The following PIGN variants were observed in gnomAD, a reference collection of about 807,000 sequenced individuals.
PIGN encodes GPI ethanolamine phosphate transferase 1.
In PIGN, 117 loss-of-function variants were observed where a neutral mutation model predicts 125.4. The ratio of observed to expected loss-of-function variants is 0.93; its 90% CI spans 0.80 to 1.09. The LOEUF is 1.09. Among genes scored for constraint, PIGN ranks in the 50% least tolerant of loss-of-function variants. The probability of loss-of-function intolerance (pLI) is 0.00; values close to 1 mark genes in which losing one functional copy is unlikely to be tolerated. For missense variants in PIGN, 1,075 were observed against 1,094.9 expected, an observed-to-expected ratio of 0.98 and a Z score of 0.26; for synonymous variants, 392 against 377.8, an observed-to-expected ratio of 1.04 and a Z score of -0.44.
intron 15 of PIGN, among the ~76,000 whole-genome samples, chr18:62,114,265 G>A (rs892472706): frequency 6.6e-6 from 1 of 152,054 alleles, no homozygotes; most frequent in African/African-American, 2.4e-5. Flanking sequence ...AGGAGGCTGA[G>A]GCAGGAGGAT....
At chr18:62,160,519 T>A (rs1016192090) in intron 4 of PIGN, among the ~76,000 whole-genome samples, 2 of 151,922 alleles carry the variant, frequency 1.3e-5, no homozygotes, top group Admixed American at 6.6e-5. Context: ...AGACTTTTTT[T>A]TTGTTTTTTT....
At chr18:62,137,106 A>G in intron 14 of PIGN, 1 of 398,676 alleles carries the variant, frequency 2.5e-6, no homozygotes. Flanking sequence ...ATCAGCTGCC[A>G]GCACAGCTAG....
chr18:62,157,631 A>C, intron 5 of PIGN, 56 bp downstream of exon 5: 1 of 1,478,762 alleles, frequency 6.8e-7, no homozygotes, highest in Non-Finnish European at 9.3e-7. Flanking sequence ...GTGGTAAAGG[A>C]CTAATATTTA....
intron 14 of PIGN, among the ~76,000 whole-genome samples, chr18:62,133,232 T>G (rs2035805447): frequency 6.6e-6 from 1 of 152,216 alleles, no homozygotes; most frequent in South Asian, 2.1e-4. Context: ...AAATCCATTT[T>G]GCACTTACAT....
chr18:62,088,002 G>C (rs887138147), intron 25 of PIGN, among the ~76,000 whole-genome samples: 1 of 152,142 alleles, frequency 6.6e-6, no homozygotes, highest in Admixed American at 6.5e-5. Context: ...TAAGAGAGCT[G>C]ATCTTAAGTG....
intron 28 of PIGN, 23 bp from the exon 29 acceptor site, chr18:62,074,844 AT>A: frequency 6.6e-7 from 1 of 1,526,448 alleles, no homozygotes; most frequent in Non-Finnish European, 9.1e-7. Flanking sequence ...AGAAGGAAAA[AT>A]TACATCTAAT....
At chr18:62,110,660 A>G (rs2034839513) in intron 16 of PIGN, among the ~76,000 whole-genome samples, 1 of 152,068 alleles carries the variant, frequency 6.6e-6, no homozygotes, top group Admixed American at 6.6e-5. Flanking sequence ...TGTTGAGTGC[A>G]GCTTCAGCTC....
chr18:62,152,269 G>C (rs1225256763), intron 7 of PIGN, among the ~76,000 whole-genome samples: 1 of 152,116 alleles, frequency 6.6e-6, no homozygotes, highest in Non-Finnish European at 1.5e-5. Flanking sequence ...AGGCTTCAGA[G>C]AGAATAGGTT....
chr18:62,163,986 T>C (rs2037044865), intron 1 of PIGN, among the ~76,000 whole-genome samples: 1 of 152,238 alleles, frequency 6.6e-6, no homozygotes, highest in Admixed American at 6.5e-5. Context: ...TCAAGTTTCA[T>C]CCATGTTGTA....
chr18:62,056,803 A>T (rs1227344783), intron 30 of PIGN: 1 of 152,278 alleles, frequency 6.6e-6, no homozygotes, highest in Non-Finnish European at 1.5e-5. Context: ...CTGTATTTGC[A>T]GCTGCTCTGC....
chr18:62,042,995 G>C lies in PIGN; in HGVS notation c.*2861C>G, dbSNP rs905277947. On this transcript the variant is annotated 3_prime_UTR_variant, in exon 31 of 31. Transcript: ENST00000640252. ...GCTACAAAGATATTGCCATAGTACT[G>C]AAAGCACACAGCATAACAATCATTA... is the stretch of plus-strand genomic sequence containing the variant. 6.6e-6 allele frequency: 1 copy of C among 151,512 alleles called. No homozygotes were observed. Among genetic ancestry groups the C allele is most frequent in the African/African-American group, 2.4e-5 (1 of 41,228 alleles). 9.4% of individuals were successfully genotyped at this position (151,512 alleles called of 1,614,324 possible).
At position 62,072,729 on chromosome 18, in the gene PIGN, T is replaced by TAA. The variant is rs11437076; in HGVS notation, c.2620-6_2620-5dup. 234,949 of 1,401,684 alleles carry TAA rather than the reference T, an allele frequency of 0.17. 3,438 individuals are homozygous for TAA. Among genetic ancestry groups the TAA allele is most frequent in the Admixed American group, 0.19 (7,696 of 41,484 alleles). 86.8% of individuals were successfully genotyped at this position (1,401,684 alleles called of 1,614,324 possible). A position where few individuals can be genotyped will look rare whatever the true frequency, so the allele number is the denominator to read the frequency against. ...CCTTGACCAAGAAGAAAAAATGCTG[T>TAA]AAAAAAAAAAAAAGGCTTAATGAAA... On this transcript the variant is annotated splice_polypyrimidine_tract_variant and splice_region_variant and intron_variant, in intron 29 of 30. Coordinates refer to ENST00000640252, the MANE Select transcript of PIGN (RefSeq NM_176787.5).
At chr18:62,111,333 T>A (rs1232232495) in intron 16 of PIGN, among the ~76,000 whole-genome samples, 1 of 152,090 alleles carries the variant, frequency 6.6e-6, no homozygotes, top group Non-Finnish European at 1.5e-5. Context: ...AGAAGAACAG[T>A]ACATCTTCCC....
At chr18:62,166,662 A>G (rs1437149833) in intron 1 of PIGN, among the ~76,000 whole-genome samples, 1 of 152,238 alleles carries the variant, frequency 6.6e-6, no homozygotes, top group Non-Finnish European at 1.5e-5. Flanking sequence ...CCAAATGCCC[A>G]TTAATGATAG....
chr18:62,178,576 C>T (rs1297692637), intron 1 of PIGN, among the ~76,000 whole-genome samples: 3 of 149,492 alleles, frequency 2.0e-5, no homozygotes, highest in Non-Finnish European at 4.4e-5. Flanking sequence ...TCAAGGCTAG[C>T]CTGGGAACAT....
At chr18:62,174,532 G>A (rs1264949681) in intron 1 of PIGN, 6 of 152,158 alleles carry the variant, frequency 3.9e-5, no homozygotes, top group African/African-American at 1.4e-4. Flanking sequence ...TGAGGTCTCA[G>A]CTCATACTGT....
chr18:62,021,421 A>G (rs1203534781), intron 23 of PIGN, among the ~76,000 whole-genome samples: 5 of 152,238 alleles, frequency 3.3e-5, no homozygotes, highest in Non-Finnish European at 7.3e-5. Context: ...GACAAAAGAC[A>G]GTTTATTACT....
At position 62,103,030 on chromosome 18, in the gene PIGN, C is replaced by G. The variant is rs112535052; in HGVS notation, c.1860-128G>C. The G allele has an allele frequency of 7.5e-4, 332 of 439,920 alleles. 1 individual carries two copies. The highest frequency in any genetic ancestry group is 6.0e-3 in the African/African-American group (297 of 49,144). The allele number at this position is 439,920 out of a possible 1,614,324, so 27.3% of individuals were successfully genotyped here. On this transcript the variant is annotated intron_variant, in intron 20 of 30. Transcript: ENST00000640252. ...ATTTGGCTTAATCAAGAGGAAGTAG[C>G]AAAATGGGTACATTTTCAGATTTTT...
At chr18:62,161,039 T>TG in intron 4 of PIGN, 94 bp downstream of exon 4, 1 of 750,712 alleles carries the variant, frequency 1.3e-6, no homozygotes, top group Non-Finnish European at 2.2e-6. Flanking sequence ...ATCACCCCTG[T>TG]GCCCAGTGCA....
Sources: gnomAD v4.1 joint callset for allele counts (sites outside exome capture counted in the v4.1 genomes callset) on GRCh38, gnomAD v4.1.1 for gene constraint, MANE v1.5 for transcripts, NCBI Gene and HGNC (gene_info 2026-07-23, HGNC 2026-07-21) for gene names.